The following PREX2 variants were observed in gnomAD, a reference collection of about 807,000 sequenced individuals.
The protein encoded by PREX2 is phosphatidylinositol 3,4,5-trisphosphate-dependent Rac exchanger 2 protein.
Under a neutral mutation model 203.2 loss-of-function variants are expected in PREX2, and 107 were observed. That is an observed-to-expected ratio of 0.53 (90% CI 0.45 to 0.62). The LOEUF (loss-of-function observed/expected upper bound fraction) is 0.62, where lower values mean the gene tolerates loss of function less well. PREX2 is among the 20% of genes least tolerant of loss of function. PREX2 has a pLI of 0.00. For missense variants in PREX2, 1,777 were observed against 1,955.9 expected (o/e 0.91, Z 1.72); for synonymous variants, 672 against 663.6 (o/e 1.01, Z -0.19).
intron 37 of PREX2, among the ~76,000 whole-genome samples, chr8:68,204,371 A>C (rs1812567873): frequency 6.6e-6 from 1 of 152,202 alleles, no homozygotes; most frequent in East Asian, 1.9e-4. Flanking sequence ...AGCTTAGTTT[A>C]AAGATAAATG....
chr8:68,133,287 C>T (rs983602250), intron 31 of PREX2, among the ~76,000 whole-genome samples: 2 of 152,144 alleles, frequency 1.3e-5, no homozygotes, highest in African/African-American at 4.8e-5. Flanking sequence ...CCGGTCTCTT[C>T]CTCAACACCT....
Position 68,038,162 on chromosome 8 carries a change from T to A in PREX2, c.709T>A (p.Ser237Thr). 6.2e-7 allele frequency: 1 copy of A among 1,613,340 alleles called. No homozygotes were observed. Among genetic ancestry groups the A allele is most frequent in the Non-Finnish European group, 8.5e-7 (1 of 1,179,498 alleles). ...WQSHIEGWEG[S>T]NITDTCTEML... ...AATTGCATTTCTCCTGACTTAGGGG[T>A]CCAACATCACTGACACCTGCACTGA... The change falls in exon 7 of 40, where the codon TCC (serine) becomes ACC (threonine). Residue 237 changes from serine (S) to threonine (T), a missense_variant. By Grantham distance (58) the Ser-to-Thr change is moderately conservative. Transcript: ENST00000288368.
intron 1 of PREX2, among the ~76,000 whole-genome samples, chr8:67,985,827 G>A (rs1806401453): frequency 6.6e-6 from 1 of 152,202 alleles, no homozygotes. Context: ...CCCTGTGGGC[G>A]ATGGGGCTGC....
At chr8:68,078,184 G>T (rs977363728) in intron 15 of PREX2, among the ~76,000 whole-genome samples, 1 of 151,804 alleles carries the variant, frequency 6.6e-6, no homozygotes, top group African/African-American at 2.4e-5. Flanking sequence ...TTTATTTTTT[G>T]AGACAGGGTC....
At chr8:67,972,331 A>G (rs749899696) in intron 1 of PREX2, among the ~76,000 whole-genome samples, 2 of 152,228 alleles carry the variant, frequency 1.3e-5, no homozygotes, top group Non-Finnish European at 2.9e-5. Context: ...GCCATCAGAT[A>G]TAGTCATGTA....
intron 37 of PREX2, among the ~76,000 whole-genome samples, chr8:68,195,710 A>C (rs1261921654): frequency 6.6e-6 from 1 of 152,222 alleles, no homozygotes; most frequent in Non-Finnish European, 1.5e-5. Context: ...TCACAGCATG[A>C]ATCAGAATAA....
intron 15 of PREX2, 48 bp downstream of exon 15, chr8:68,077,517 G>GT: frequency 3.7e-6 from 5 of 1,364,136 alleles, no homozygotes; most frequent in Non-Finnish European, 5.3e-6. Flanking sequence ...TCATCACGTT[G>GT]GTTCTTAGGA....
At chr8:68,086,342 A>G (rs192794915) in intron 18 of PREX2, among the ~76,000 whole-genome samples, 3 of 152,238 alleles carry the variant, frequency 2.0e-5, no homozygotes, top group Admixed American at 2.0e-4. Flanking sequence ...GGCTTTCTGA[A>G]GTGTTTGAGC....
intron 32 of PREX2, among the ~76,000 whole-genome samples, chr8:68,136,501 G>C (rs536434861): frequency 6.6e-6 from 1 of 152,104 alleles, no homozygotes; most frequent in South Asian, 2.1e-4. Flanking sequence ...GCCTGGCTTT[G>C]GCAATGTTTG....
intron 8 of PREX2, among the ~76,000 whole-genome samples, chr8:68,052,093 A>G (rs1808541496): frequency 6.6e-6 from 1 of 152,206 alleles, no homozygotes; most frequent in African/African-American, 2.4e-5. Context: ...CATCTGAGAA[A>G]AAAAAGAACA....
intron 34 of PREX2, among the ~76,000 whole-genome samples, chr8:68,147,709 A>C (rs566367184): frequency 6.6e-6 from 1 of 152,368 alleles, no homozygotes; most frequent in African/African-American, 2.4e-5. Flanking sequence ...CAATTACCAT[A>C]GTTTAAAAAC....
At chr8:68,065,292 G>C (rs1487318277) in intron 11 of PREX2, among the ~76,000 whole-genome samples, 1 of 152,212 alleles carries the variant, frequency 6.6e-6, no homozygotes, top group Non-Finnish European at 1.5e-5. Context: ...CTATTTCAAT[G>C]ATTATTAAGG....
Position 68,231,478 on chromosome 8 carries a change from T to TC in PREX2, c.*100_*101insC, listed in dbSNP as rs1491298863. Reference sequence around the variant, plus strand: ...TTCTCCACTGAAGATACATCAATGCTTTTTTTTTTTTTTTTTTCTGTAAAT... The same window carrying TC: ...TTCTCCACTGAAGATACATCAATGCTCTTTTTTTTTTTTTTTTTCTGTAAAT... On this transcript the variant is annotated 3_prime_UTR_variant, in exon 40 of 40. Coordinates refer to ENST00000288368, the MANE Select transcript of PREX2 (RefSeq NM_024870.4). 1 of 68,558 alleles carries TC rather than the reference T, an allele frequency of 1.5e-5. No individual in the cohort carries two copies. Among genetic ancestry groups the TC allele is most frequent in the Admixed American group, 3.8e-4 (1 of 2,608 alleles). 4.2% of individuals were successfully genotyped at this position (68,558 alleles called of 1,614,324 possible).
intron 37 of PREX2, among the ~76,000 whole-genome samples, chr8:68,206,104 A>G (rs1812619318): frequency 1.3e-5 from 2 of 152,188 alleles, no homozygotes; most frequent in Non-Finnish European, 2.9e-5. Context: ...CGAATTTGGT[A>G]GAGTAGAAAG....
chr8:68,016,365 A>G lies in PREX2; in HGVS notation c.142-1481A>G, dbSNP rs571941530. ...TTTCACCAGACAGTATTTTATAGAC[A>G]TCTCGTATACACATGTATGTGTATA... On this transcript the variant is annotated intron_variant, in intron 1 of 39. Transcript: ENST00000288368. Among the ~76,000 whole-genome samples the G allele has an allele frequency of 1.5e-3, 224 of 152,238 alleles. 1 individual carries two copies. Among genetic ancestry groups the G allele is most frequent in the African/African-American group, 5.1e-3 (211 of 41,546 alleles).
chr8:68,106,451 G>T (rs941355640), intron 23 of PREX2: 12 of 425,946 alleles, frequency 2.8e-5, no homozygotes, highest in African/African-American at 2.3e-4. Context: ...TATTAAATTT[G>T]CTCATCATTT....
At chr8:68,027,167 T>C in intron 4 of PREX2, 55 bp from the exon 5 acceptor site, 3 of 1,310,430 alleles carry the variant, frequency 2.3e-6, no homozygotes, top group Non-Finnish European at 3.3e-6. Context: ...TGGAAGAAAG[T>C]TTCACAGCGT....
At position 67,987,793 on chromosome 8, in the gene PREX2, A is replaced by G. The variant is rs543319527; in HGVS notation, c.142-30053A>G. On this transcript the variant is annotated intron_variant, in intron 1 of 39. Transcript: ENST00000288368. ...CTAGGATACCCTCCAGTTCCATTTA[A>G]TATCTTCCTTCTCTGTGCTCTGTAA... Among the ~76,000 whole-genome samples, 6 of 152,100 alleles carry G rather than the reference A, an allele frequency of 3.9e-5. No individual in the cohort carries two copies. The South Asian group carries it at 1.2e-3, about 32-fold the overall frequency.
At chr8:68,077,776 A>G (rs956293014) in intron 15 of PREX2, among the ~76,000 whole-genome samples, 4 of 152,330 alleles carry the variant, frequency 2.6e-5, no homozygotes, top group Admixed American at 6.5e-5. Flanking sequence ...TTTTAAGCTC[A>G]TAAACCTCTT....
Sources: allele counts gnomAD v4.1 joint callset (sites outside exome capture counted in the v4.1 genomes callset), GRCh38; gene constraint gnomAD v4.1.1; transcripts MANE v1.5; gene names NCBI Gene and HGNC (gene_info 2026-07-23, HGNC 2026-07-21).